The following LANCL3 variants were observed in gnomAD, a reference collection of about 807,000 sequenced individuals.
LANCL3 encodes the protein lanC-like protein 3.
Under a neutral mutation model 26.5 loss-of-function variants are expected in LANCL3, and 19 were observed. That is an observed-to-expected ratio of 0.72 (90% CI 0.50 to 1.05). The LOEUF (loss-of-function observed/expected upper bound fraction) is 1.05, where lower values mean the gene tolerates loss of function less well. Ranked by LOEUF, LANCL3 falls within the 50% of genes least tolerant of loss-of-function variation. The probability of loss-of-function intolerance (pLI) is 0.00; values close to 1 mark genes in which losing one functional copy is unlikely to be tolerated. For missense variants in LANCL3, 318 were observed against 362.7 expected, an observed-to-expected ratio of 0.88 and a Z score of 1.00; for synonymous variants, 160 against 166.6, an observed-to-expected ratio of 0.96 and a Z score of 0.30.
At chrX:37,592,821 T>A (rs1924326374) in intron 1 of LANCL3, among the ~76,000 whole-genome samples, 1 of 111,290 alleles carries the variant, frequency 9.0e-6, no homozygotes, top group Non-Finnish European at 1.9e-5. Context: ...GCAAGAATAT[T>A]TTTTATAAGT....
At chrX:37,656,581 C>A (rs782562593) in intron 2 of LANCL3, among the ~76,000 whole-genome samples, 1 of 112,527 alleles carries the variant, frequency 8.9e-6, no homozygotes, top group African/African-American at 3.2e-5. Context: ...GTTGTTGAAT[C>A]CTCTCTGGAG....
At chrX:37,664,690 G>A (rs1323355892) in intron 3 of LANCL3, among the ~76,000 whole-genome samples, 1 of 111,187 alleles carries the variant, frequency 9.0e-6, no homozygotes, top group Non-Finnish European at 1.9e-5. Flanking sequence ...TACCGAATAG[G>A]TAGTTTTTCA....
At chrX:37,590,216 A>G (rs1231592000) in intron 1 of LANCL3, among the ~76,000 whole-genome samples, 2 of 112,220 alleles carry the variant, frequency 1.8e-5, no homozygotes, top group African/African-American at 6.5e-5. Context: ...TTTGCTCTTA[A>G]GTTCTCGTCT....
chrX:37,675,390 G>A (rs5963223), intron 4 of LANCL3, among the ~76,000 whole-genome samples: 36,989 of 111,460 alleles, frequency 0.33, 6,853 homozygotes, highest in African/African-American at 0.73. Context: ...GAAAGAATGA[G>A]ATCCTTGAAA....
intron 2 of LANCL3, 35 bp downstream of exon 2, chrX:37,655,846 G>A: frequency 1.7e-6 from 2 of 1,176,040 alleles, no homozygotes; most frequent in Non-Finnish European, 2.3e-6. Flanking sequence ...CTGTAGGAAG[G>A]AGAAAGTCTC....
At chrX:37,620,336 A>G (rs1556422152) in intron 1 of LANCL3, among the ~76,000 whole-genome samples, 2 of 112,201 alleles carry the variant, frequency 1.8e-5, no homozygotes, top group African/African-American at 6.5e-5. Flanking sequence ...CCCAAGGCAA[A>G]AGAGTAAGTA....
At chrX:37,594,192 T>C (rs1270104370) in intron 1 of LANCL3, among the ~76,000 whole-genome samples, 2 of 112,027 alleles carry the variant, frequency 1.8e-5, no homozygotes, top group African/African-American at 3.2e-5. Flanking sequence ...ATAACAGTTT[T>C]TCATGGCAGT....
At position 37,572,243 on chromosome X, in the gene LANCL3, G is replaced by T. The variant is rs782613490; in HGVS notation, c.373G>T (p.Ala125Ser). Residue 125 changes from alanine to serine, a missense_variant, in exon 1 of 5, where the codon GCG (alanine) becomes TCG (serine). Coordinates refer to ENST00000378619, the MANE Select transcript of LANCL3 (RefSeq NM_001170331.2). Reference sequence around the variant, plus strand: ...CCGCGCCGCCTTCCTGCTCGGGGGCGCGGGCGTGTACGCCGTGGCCACGCT... The same window carrying T: ...CCGCGCCGCCTTCCTGCTCGGGGGCTCGGGCGTGTACGCCGTGGCCACGCT... ...DTRAAFLLGG[A>S]GVYAVATLVY... 4.4e-5 allele frequency: 50 copies of T among 1,146,496 alleles called. No individual in the cohort carries two copies. The highest frequency in any genetic ancestry group is 2.3e-4 in the Admixed American group (9 of 39,364). 94.5% of individuals were successfully genotyped at this position (1,146,496 alleles called of 1,213,427 possible). A position where few individuals can be genotyped will look rare whatever the true frequency, so the allele number is the denominator to read the frequency against.
chrX:37,605,340 C>A (rs1197922834), intron 1 of LANCL3, among the ~76,000 whole-genome samples: 3 of 111,833 alleles, frequency 2.7e-5, no homozygotes, highest in East Asian at 5.6e-4. Flanking sequence ...TGATGTAGTT[C>A]CCACCTTAAG....
chrX:37,641,138 T>A (rs1925850875), intron 1 of LANCL3, among the ~76,000 whole-genome samples: 2 of 111,494 alleles, frequency 1.8e-5, no homozygotes, highest in South Asian at 7.5e-4. Flanking sequence ...ACCAGAAATA[T>A]TTTCCCTTTA....
chrX:37,584,628 G>T (rs1188536736), intron 1 of LANCL3, among the ~76,000 whole-genome samples: 4 of 111,791 alleles, frequency 3.6e-5, no homozygotes, highest in African/African-American at 1.3e-4. Context: ...AGTATTCTCT[G>T]ATGGTAGTTT....
chrX:37,587,629 G>T (rs1438971360), intron 1 of LANCL3, among the ~76,000 whole-genome samples: 2 of 112,998 alleles, frequency 1.8e-5, no homozygotes, highest in African/African-American at 6.4e-5. Context: ...TGTGCCGTTT[G>T]CTAAGACCCT....
At chrX:37,584,507 G>T (rs1924002802) in intron 1 of LANCL3, among the ~76,000 whole-genome samples, 1 of 110,926 alleles carries the variant, frequency 9.0e-6, no homozygotes, top group African/African-American at 3.3e-5. Context: ...CCTGTTATTG[G>T]TCTATTCAGA....
At chrX:37,647,430 T>TA (rs1556427394) in intron 1 of LANCL3, among the ~76,000 whole-genome samples, 1 of 112,380 alleles carries the variant, frequency 8.9e-6, no homozygotes, top group Non-Finnish European at 1.9e-5. Context: ...GCTCTAACTT[T>TA]AAAAAAAGAC....
At chrX:37,611,967 G>A (rs973188451) in intron 1 of LANCL3, among the ~76,000 whole-genome samples, 1 of 108,327 alleles carries the variant, frequency 9.2e-6, no homozygotes, top group Non-Finnish European at 1.9e-5. Context: ...TTGGAGTTTC[G>A]CTCTCGTCTC....
At chrX:37,631,928 T>C (rs1925529075) in intron 1 of LANCL3, among the ~76,000 whole-genome samples, 1 of 110,887 alleles carries the variant, frequency 9.0e-6, no homozygotes, top group Non-Finnish European at 1.9e-5. Flanking sequence ...ATGTCTATTC[T>C]GTTGATTTGG....
intron 1 of LANCL3, among the ~76,000 whole-genome samples, chrX:37,635,232 G>T (rs1189479295): frequency 8.9e-6 from 1 of 111,839 alleles, no homozygotes; most frequent in African/African-American, 3.2e-5. Context: ...AAAGTAACTT[G>T]CCCAAAGATA....
intron 1 of LANCL3, among the ~76,000 whole-genome samples, chrX:37,651,579 TAAA>T (rs1301897157): frequency 9.0e-6 from 1 of 111,441 alleles, no homozygotes; most frequent in African/African-American, 3.3e-5. Flanking sequence ...ACTGATATAA[TAAA>T]CTTTCTTTTT....
intron 1 of LANCL3, among the ~76,000 whole-genome samples, chrX:37,584,922 T>C (rs1261030134): frequency 8.9e-5 from 10 of 112,113 alleles, no homozygotes; most frequent in African/African-American, 2.9e-4. Context: ...CTGCTTTCTC[T>C]TGTGGGCATT....
Sources: gnomAD v4.1 joint callset for allele counts (sites outside exome capture counted in the v4.1 genomes callset) on GRCh38, gnomAD v4.1.1 for gene constraint, MANE v1.5 for transcripts, NCBI Gene and HGNC (gene_info 2026-07-23, HGNC 2026-07-21) for gene names.